The following PPARGC1A variants were observed in gnomAD, a reference collection of about 807,000 sequenced individuals.
The protein encoded by PPARGC1A is PPARG coactivator 1 alpha.
PPARGC1A carries 25 observed loss-of-function variants against 88.7 expected under a neutral mutation model. The ratio of observed to expected loss-of-function variants is 0.28; its 90% CI spans 0.21 to 0.39. The LOEUF is 0.39. Among genes scored for constraint, PPARGC1A ranks in the 10% least tolerant of loss-of-function variants. PPARGC1A has a pLI of 1.00. For synonymous variants in PPARGC1A, 363 were observed against 355.6 expected, an observed-to-expected ratio of 1.02 and a Z score of -0.24; for missense variants, 880 against 968.7, an observed-to-expected ratio of 0.91 and a Z score of 1.22.
chr4:23,901,010 T>A (rs879711307), upstream of PPARGC1A, among the ~76,000 whole-genome samples: 1 of 151,336 alleles, frequency 6.6e-6, no homozygotes, highest in African/African-American at 2.4e-5. Flanking sequence ...AGATCTGGTG[T>A]GGTCAGGAGT....
At chr4:23,805,438 T>C (rs28750249) in intron 10 of PPARGC1A, among the ~76,000 whole-genome samples, 1 of 152,074 alleles carries the variant, frequency 6.6e-6, no homozygotes, top group South Asian at 2.1e-4. Flanking sequence ...ACTAAATAAA[T>C]GACCAGATGA....
At chr4:23,877,980 C>T (rs1715148886) in intron 2 of PPARGC1A, 2 of 152,184 alleles carry the variant, frequency 1.3e-5, no homozygotes, top group Non-Finnish European at 1.5e-5. Flanking sequence ...CACCCTGAAC[C>T]TTGTGATTAC....
the PPARGC1A span, among the ~76,000 whole-genome samples, chr4:24,301,252 C>T: frequency 5.3e-5 from 8 of 152,028 alleles, no homozygotes; most frequent in African/African-American, 1.9e-4. Context: ...TCTTTTTAGA[C>T]CCCATGATTT....
the PPARGC1A span, among the ~76,000 whole-genome samples, chr4:24,280,905 T>C: frequency 2.0e-5 from 3 of 152,242 alleles, no homozygotes; most frequent in Non-Finnish European, 4.4e-5. Flanking sequence ...TTCTGGCATG[T>C]GGCAGTCCAT....
the PPARGC1A span, among the ~76,000 whole-genome samples, chr4:24,212,016 G>A: frequency 1.3e-5 from 2 of 151,732 alleles, no homozygotes; most frequent in Non-Finnish European, 2.9e-5. Context: ...GTCTTTCTAC[G>A]CCCTTTCTAC....
chr4:24,344,708 C>G, the PPARGC1A span, among the ~76,000 whole-genome samples: 9 of 151,808 alleles, frequency 5.9e-5, no homozygotes, highest in Non-Finnish European at 1.3e-4. Flanking sequence ...TGAGTTGTCT[C>G]TTTACTCTGC....
At chr4:24,193,162 T>C in the PPARGC1A span, among the ~76,000 whole-genome samples, 1 of 152,238 alleles carries the variant, frequency 6.6e-6, no homozygotes, top group Admixed American at 6.5e-5. Flanking sequence ...GGATGCCTTC[T>C]GATTTTCTTT....
chr4:24,000,545 A>AGAAT, the PPARGC1A span, among the ~76,000 whole-genome samples: 1 of 152,214 alleles, frequency 6.6e-6, no homozygotes, highest in African/African-American at 2.4e-5. Context: ...AATGCAGAAA[A>AGAAT]GAATGCACTG....
At chr4:23,977,831 T>C in the PPARGC1A span, among the ~76,000 whole-genome samples, 29 of 152,302 alleles carry the variant, frequency 1.9e-4, 2 homozygotes, top group South Asian at 6.0e-3. Flanking sequence ...ATGGTACCTG[T>C]TTGTCAAAAA....
the PPARGC1A span, among the ~76,000 whole-genome samples, chr4:24,142,952 C>T: frequency 6.6e-6 from 1 of 152,144 alleles, no homozygotes. Context: ...AAGGAAGCCA[C>T]TGTGATTATT....
Position 23,896,607 on chromosome 4 carries a change from C to T in PPARGC1A, n.52+2660G>A, listed in dbSNP as rs957978669. ...GCTTGCCTCAGAGGTAGACCCAAAA[C>T]CACTAACCCCCAGACATGACTACCA... On this transcript the variant is annotated intron_variant and non_coding_transcript_variant, in intron 1 of 3. Coordinates refer to the PPARGC1A transcript ENST00000507342. Among the ~76,000 whole-genome samples the T allele has an allele frequency of 1.2e-4, 18 of 152,256 alleles. 1 individual carries two copies. Among genetic ancestry groups the T allele is most frequent in the African/African-American group, 4.1e-4 (17 of 41,538 alleles).
the PPARGC1A span, among the ~76,000 whole-genome samples, chr4:24,038,295 G>C: frequency 6.6e-6 from 1 of 152,166 alleles, no homozygotes; most frequent in African/African-American, 2.4e-5. Context: ...ACTTCCACGT[G>C]AGATTACTAT....
intron 5 of PPARGC1A, among the ~76,000 whole-genome samples, chr4:23,826,918 G>A (rs1224649479): frequency 6.6e-6 from 1 of 152,000 alleles, no homozygotes; most frequent in Admixed American, 6.6e-5. Flanking sequence ...CATATTACAA[G>A]GACTTTAAAT....
At chr4:24,015,889 A>G in the PPARGC1A span, among the ~76,000 whole-genome samples, 1 of 152,196 alleles carries the variant, frequency 6.6e-6, no homozygotes, top group African/African-American at 2.4e-5. Context: ...TGAAGAGAAC[A>G]TACCTGCTTT....
At chr4:24,110,614 T>C in the PPARGC1A span, among the ~76,000 whole-genome samples, 1 of 152,192 alleles carries the variant, frequency 6.6e-6, no homozygotes, top group Non-Finnish European at 1.5e-5. Flanking sequence ...GTCCTTTTCA[T>C]GAACTTGGTA....
chr4:23,820,829 C>T (rs912766158), intron 7 of PPARGC1A, among the ~76,000 whole-genome samples: 2 of 152,080 alleles, frequency 1.3e-5, no homozygotes, highest in Non-Finnish European at 2.9e-5. Context: ...CCTTACATTT[C>T]CACTTAAACA....
intron 10 of PPARGC1A, among the ~76,000 whole-genome samples, chr4:23,809,268 G>T (rs1409322079): frequency 6.6e-6 from 1 of 152,054 alleles, no homozygotes; most frequent in African/African-American, 2.4e-5. Context: ...TATGGTACTA[G>T]AAAGCTAACT....
the PPARGC1A span, among the ~76,000 whole-genome samples, chr4:24,192,506 C>T: frequency 1.3e-5 from 2 of 151,900 alleles, no homozygotes; most frequent in African/African-American, 4.8e-5. Context: ...GATGGCTAAG[C>T]AAAAAAGGAA....
At chr4:23,849,777 T>C (rs1373019650) in intron 2 of PPARGC1A, among the ~76,000 whole-genome samples, 2 of 152,074 alleles carry the variant, frequency 1.3e-5, no homozygotes, top group African/African-American at 4.8e-5. Context: ...TACTCATTTA[T>C]TCCTTCTTGT....
Sources: gnomAD v4.1 joint callset for allele counts (sites outside exome capture counted in the v4.1 genomes callset) on GRCh38, gnomAD v4.1.1 for gene constraint, MANE v1.5 for transcripts, NCBI Gene and HGNC (gene_info 2026-07-23, HGNC 2026-07-21) for gene names.